SHLD1: variants seen among roughly 807,000 people sequenced by gnomAD.
SHLD1 encodes the protein RINN1-REV7-interacting novel NHEJ regulator 3.
Under a neutral mutation model 5.5 loss-of-function variants are expected in SHLD1, and 3 were observed. The ratio of observed to expected loss-of-function variants is 0.54; its 90% confidence interval spans 0.25 to 1.40. The LOEUF is 1.40. Among genes scored for constraint, SHLD1 ranks in the 40% most tolerant of loss-of-function variants. SHLD1 has a pLI of 0.15. For synonymous variants in SHLD1, 92 were observed against 94.3 expected (o/e 0.98, Z 0.14); for missense variants, 210 against 244.4 (o/e 0.86, Z 0.94).
chr20:5,831,326 G>T (rs2087726507), intron 2 of SHLD1, among the ~76,000 whole-genome samples: 1 of 152,158 alleles, frequency 6.6e-6, no homozygotes, highest in African/African-American at 2.4e-5. Context: ...CAGGTTTCTT[G>T]GCTCAGTGAA....
chr20:5,778,449 A>AT (rs1985539947), intron 2 of SHLD1, among the ~76,000 whole-genome samples: 1 of 151,998 alleles, frequency 6.6e-6, no homozygotes, highest in African/African-American at 2.4e-5. Flanking sequence ...CTAAAAAAAA[A>AT]TTTAAAAATT....
intron 2 of SHLD1, among the ~76,000 whole-genome samples, chr20:5,804,542 T>C (rs1483227411): frequency 6.6e-6 from 1 of 152,194 alleles, no homozygotes; most frequent in Admixed American, 6.5e-5. Context: ...TGACTTGATA[T>C]GTGACCGTAC....
chr20:5,788,280 C>T (rs1370652952), intron 2 of SHLD1, among the ~76,000 whole-genome samples: 1 of 147,076 alleles, frequency 6.8e-6, no homozygotes, highest in Non-Finnish European at 1.5e-5. Context: ...CCCATTTCTT[C>T]CTAGTATATT....
intron 1 of SHLD1, among the ~76,000 whole-genome samples, chr20:5,752,047 G>GT (rs1983779922): frequency 6.6e-6 from 1 of 152,164 alleles, no homozygotes; most frequent in South Asian, 2.1e-4. Context: ...CAAGGTCCTT[G>GT]TTACGTAGAT....
intron 2 of SHLD1, among the ~76,000 whole-genome samples, chr20:5,824,661 A>G (rs568253974): frequency 6.7e-6 from 1 of 150,306 alleles, no homozygotes; most frequent in South Asian, 2.1e-4. Context: ...CTGGCTCCCA[A>G]CCTCAACTTC....
intron 2 of SHLD1, among the ~76,000 whole-genome samples, chr20:5,861,843 A>C (rs1208889204): frequency 6.6e-6 from 1 of 152,166 alleles, no homozygotes; most frequent in Non-Finnish European, 1.5e-5. Context: ...TTGAGTTCGT[A>C]GGGGCAGGGA....
At chr20:5,782,942 A>T (rs373162668) in intron 2 of SHLD1, among the ~76,000 whole-genome samples, 4 of 152,294 alleles carry the variant, frequency 2.6e-5, no homozygotes, top group Admixed American at 6.5e-5. Context: ...TATATTTTAG[A>T]TATATACATA....
At position 5,763,991 on chromosome 20, in the gene SHLD1, G is replaced by T. The variant is rs1163153417; in HGVS notation, c.-4-8871G>T. Among the ~76,000 whole-genome samples the T allele has an allele frequency of 4.1e-5, 6 of 146,442 alleles. No homozygotes were observed. In the Admixed American group the frequency reaches 4.1e-4, roughly 10 times the overall value. On this transcript the variant is annotated intron_variant, in intron 1 of 2. Transcript: ENST00000303142. ...AAAATAGAAAAATCAGCTGGGCATG[G>T]TGACATGCACCTGTAATCCCAGCTA...
intron 1 of SHLD1, 28 bp downstream of exon 1, chr20:5,750,507 T>TG (rs1983676974): frequency 1.7e-5 from 1 of 58,264 alleles, no homozygotes; most frequent in Non-Finnish European, 3.1e-5. Context: ...TGGGGGGGGG[T>TG]TGGAGTGGTG....
chr20:5,753,431 A>G (rs904924910), intron 1 of SHLD1, among the ~76,000 whole-genome samples: 3 of 152,176 alleles, frequency 2.0e-5, no homozygotes, highest in African/African-American at 7.2e-5. Context: ...AAAGAAATTA[A>G]TTAGGCAGTT....
At chr20:5,762,751 G>T (rs1984536175) in intron 1 of SHLD1, among the ~76,000 whole-genome samples, 1 of 151,860 alleles carries the variant, frequency 6.6e-6, no homozygotes, top group Non-Finnish European at 1.5e-5. Context: ...GAGGCAGGTG[G>T]GTCACGAGGT....
chr20:5,783,829 A>G (rs2087019625), intron 2 of SHLD1, among the ~76,000 whole-genome samples: 1 of 151,950 alleles, frequency 6.6e-6, no homozygotes, highest in African/African-American at 2.4e-5. Flanking sequence ...TCATCCAAAG[A>G]AAGGGTGCCA....
At chr20:5,764,313 G>T (rs1432740188) in intron 1 of SHLD1, among the ~76,000 whole-genome samples, 1 of 148,612 alleles carries the variant, frequency 6.7e-6, no homozygotes, top group Non-Finnish European at 1.5e-5. Context: ...GACAGCAGGG[G>T]TTCAAACCCA....
intron 1 of SHLD1, among the ~76,000 whole-genome samples, chr20:5,767,818 G>C (rs920606903): frequency 6.6e-6 from 1 of 152,136 alleles, no homozygotes; most frequent in African/African-American, 2.4e-5. Flanking sequence ...AAGCCACCTT[G>C]GAGGTTTCCA....
At chr20:5,820,540 C>G (rs368283422) in intron 2 of SHLD1, among the ~76,000 whole-genome samples, 46 of 152,266 alleles carry the variant, frequency 3.0e-4, no homozygotes, top group African/African-American at 1.1e-3. Flanking sequence ...AACCAGCCTC[C>G]AAGATGTTCA....
At chr20:5,823,773 G>A (rs2087635060) in intron 2 of SHLD1, among the ~76,000 whole-genome samples, 1 of 152,086 alleles carries the variant, frequency 6.6e-6, no homozygotes, top group South Asian at 2.1e-4. Context: ...TTCTAAGAAA[G>A]TTTACACAGT....
In SHLD1 at chr20:5,853,023, A is replaced by G. The variant is rs1049015444; in HGVS notation, c.179-10001A>G. On this transcript the variant is annotated intron_variant, in intron 2 of 2. Transcript: ENST00000303142. ...TGGAATTATTAAACATACAGGAAAGAGGTCTATTGTGTATTAAAGGTTTAT... is the reference window on the plus strand; with the variant it reads ...TGGAATTATTAAACATACAGGAAAGGGGTCTATTGTGTATTAAAGGTTTAT... Among the ~76,000 whole-genome samples, 3 of 152,352 alleles carry G rather than the reference A, an allele frequency of 2.0e-5. No homozygotes were observed. In the East Asian group the frequency reaches 5.8e-4, roughly 29 times the overall value.
intron 2 of SHLD1, among the ~76,000 whole-genome samples, chr20:5,779,024 G>A (rs556473639): frequency 6.6e-6 from 1 of 152,046 alleles, no homozygotes; most frequent in African/African-American, 2.4e-5. Flanking sequence ...ACAACATGGT[G>A]AAATCTCATC....
intron 1 of SHLD1, among the ~76,000 whole-genome samples, chr20:5,753,568 A>G (rs549610618): frequency 6.6e-6 from 1 of 152,362 alleles, no homozygotes; most frequent in East Asian, 1.9e-4. Context: ...AAGCTTGCAT[A>G]GGTAAATGCC....
Sources: allele counts gnomAD v4.1 joint callset (sites outside exome capture counted in the v4.1 genomes callset), GRCh38; gene constraint gnomAD v4.1.1; transcripts MANE v1.5; gene names NCBI Gene and HGNC (gene_info 2026-07-23, HGNC 2026-07-21).